The following SPAG9 variants were observed in gnomAD, a reference collection of about 807,000 sequenced individuals.
The protein encoded by SPAG9 is C-Jun-amino-terminal kinase-interacting protein 4.
SPAG9 carries 35 observed loss-of-function variants against 166.5 expected under a neutral mutation model. That is an observed-to-expected ratio of 0.21 (90% CI 0.16 to 0.28). The LOEUF (loss-of-function observed/expected upper bound fraction) is 0.28, where lower values mean the gene tolerates loss of function less well. Ranked by LOEUF, SPAG9 falls within the 10% of genes least tolerant of loss-of-function variation. SPAG9 has a pLI of 1.00. For synonymous variants in SPAG9, 534 were observed against 565.5 expected (o/e 0.94, Z 0.79); for missense variants, 1,235 against 1,603.3 (o/e 0.77, Z 3.92).
At chr17:50,979,557 C>T (rs1012819552) in intron 26 of SPAG9, among the ~76,000 whole-genome samples, 189 bp downstream of exon 26, 3 of 148,922 alleles carry the variant, frequency 2.0e-5, no homozygotes, top group Admixed American at 2.0e-4. Context: ...CCAGCTACTC[C>T]GGAGGCTGAG....
intron 1 of SPAG9, among the ~76,000 whole-genome samples, chr17:51,098,736 C>T (rs1351667659): frequency 1.3e-5 from 2 of 152,036 alleles, no homozygotes; most frequent in East Asian, 2.0e-4. Context: ...AGGTGATCCG[C>T]CCCCCTCGGC....
intron 25 of SPAG9, among the ~76,000 whole-genome samples, chr17:50,981,481 TAAAGATAG>T (rs780085212): frequency 1.1e-4 from 14 of 124,652 alleles, no homozygotes; most frequent in African/African-American, 3.9e-4. Context: ...GATACACAGA[TAAAGATAG>T]ATAGATAGAT....
chr17:51,049,845 G>A (rs1430610571), intron 3 of SPAG9, among the ~76,000 whole-genome samples: 3 of 152,228 alleles, frequency 2.0e-5, no homozygotes, highest in African/African-American at 2.4e-5. Context: ...TGATCCACCC[G>A]CCTTGGCCTC....
intron 1 of SPAG9, among the ~76,000 whole-genome samples, chr17:51,090,571 T>C (rs2048437917): frequency 6.6e-6 from 1 of 152,204 alleles, no homozygotes; most frequent in Non-Finnish European, 1.5e-5. Flanking sequence ...TTTTAAATAT[T>C]CCAAGGTACT....
At chr17:51,114,807 C>T (rs2049235113) in intron 1 of SPAG9, among the ~76,000 whole-genome samples, 1 of 152,006 alleles carries the variant, frequency 6.6e-6, no homozygotes, top group Non-Finnish European at 1.5e-5. Context: ...CAAAAATTAG[C>T]CGGGTGTAGT....
intron 12 of SPAG9, among the ~76,000 whole-genome samples, chr17:51,002,398 T>C (rs929501413): frequency 6.6e-6 from 1 of 152,162 alleles, no homozygotes; most frequent in Non-Finnish European, 1.5e-5. Context: ...ACACAGATAT[T>C]TGAACATATT....
At chr17:51,119,896 TC>T (rs2049421252) in intron 1 of SPAG9, among the ~76,000 whole-genome samples, 1 of 151,982 alleles carries the variant, frequency 6.6e-6, no homozygotes, top group Admixed American at 6.6e-5. Context: ...ATCTCTAACT[TC>T]CCAAAGCAAG....
chr17:50,979,601 C>A, intron 26 of SPAG9, 145 bp downstream of exon 26: 3 of 698,188 alleles, frequency 4.3e-6, no homozygotes, highest in Non-Finnish European at 4.7e-6. Flanking sequence ...GAGTTCAAGG[C>A]TATAGTGTGC....
At position 51,020,246 on chromosome 17, in the gene SPAG9, T is replaced by C. The variant is rs2045888020; in HGVS notation, c.1004A>G (p.Asn335Ser). The C allele has an allele frequency of 6.2e-7, 1 of 1,611,610 alleles. No individual in the cohort carries two copies. The highest frequency in any genetic ancestry group is 8.5e-7 in the Non-Finnish European group (1 of 1,177,822). The change falls in exon 8 of 30, where the codon AAT becomes AGT. Residue 335 changes from asparagine (N) to serine (S), a missense_variant. Asn to Ser is a conservative substitution (Grantham distance 46, BLOSUM62 1). Transcript: ENST00000262013. Reference sequence around the variant, plus strand: ...TGCTTGAACTTCTGACTTTTCTTCATTTTCAGCAGAGCCTTAAAAAAGGAC... The same window carrying C: ...TGCTTGAACTTCTGACTTTTCTTCACTTTCAGCAGAGCCTTAAAAAAGGAC... The part of the protein sequence containing the change: ...TRNVSTGSAE[N>S]EEKSEVQAII...
chr17:51,051,122 T>C (rs761269417), intron 3 of SPAG9, among the ~76,000 whole-genome samples: 2 of 152,130 alleles, frequency 1.3e-5, no homozygotes, highest in African/African-American at 2.4e-5. Flanking sequence ...TGTGTTTTTT[T>C]GTTTTGTGAC....
intron 1 of SPAG9, among the ~76,000 whole-genome samples, chr17:51,112,671 CAAAAAAAAAAAAAAAAAA>C (rs1206604151): frequency 2.4e-5 from 1 of 41,400 alleles, no homozygotes; most frequent in African/African-American, 6.1e-5. Context: ...TCTGTCTCAA[CAAAAAAAAAAAAAAAAAA>C]AAAAAAAAAA....
chr17:51,073,907 C>A (rs1379933296), intron 2 of SPAG9, among the ~76,000 whole-genome samples: 1 of 152,046 alleles, frequency 6.6e-6, no homozygotes, highest in African/African-American at 2.4e-5. Context: ...TCGAGACCAG[C>A]CTGGCCAATA....
In SPAG9 at chr17:50,970,774, A is replaced by G; in HGVS notation, c.3783T>C (p.Gly1261=). ...DKAGPSAQEP[G]SQTPLKSMLV... ...GCATAGACTTCAAGGGCGTCTGACT[A>G]CCAGGCTCCTGTGCAGATGGCCCTG... The change falls in exon 29 of 30, where the codon GGT becomes GGC. Residue 1261 remains glycine, a synonymous_variant. Transcript: ENST00000262013. 6.2e-7 allele frequency: 1 copy of G among 1,614,130 alleles called. No individual in the cohort carries two copies. The highest frequency in any genetic ancestry group is 8.5e-7 in the Non-Finnish European group (1 of 1,179,990).
At chr17:50,999,433 C>A (rs760344826) in intron 14 of SPAG9, 1 of 1,447,956 alleles carries the variant, frequency 6.9e-7, no homozygotes. Flanking sequence ...CAACATGATG[C>A]AGCTTACGAT....
rs1403920082 is a variant in SPAG9 at position 50,984,314 on chromosome 17, T to C, written c.3088+609A>G. On this transcript the variant is annotated intron_variant, in intron 24 of 29. Transcript: ENST00000262013. ...GTGGACACAAATTATTTTTAACACA[T>C]AGGACATTAAAAAAACACCAAGTTT... Among the ~76,000 whole-genome samples the C allele has an allele frequency of 2.6e-5, 4 of 152,154 alleles. No individual in the cohort carries two copies. The East Asian group carries it at 7.7e-4, about 29-fold the overall frequency.
At chr17:51,062,067 T>G (rs151232711) in intron 2 of SPAG9, among the ~76,000 whole-genome samples, 1 of 152,338 alleles carries the variant, frequency 6.6e-6, no homozygotes, top group East Asian at 1.9e-4. Flanking sequence ...ATTTAGCACA[T>G]GCAAACTACC....
chr17:51,081,158 C>G (rs1265396233), intron 1 of SPAG9, among the ~76,000 whole-genome samples: 2 of 152,142 alleles, frequency 1.3e-5, no homozygotes, highest in Admixed American at 1.3e-4. Flanking sequence ...ATTACTGCAA[C>G]AGTGAAAGTC....
At chr17:51,008,395 A>C (rs192605045) in intron 9 of SPAG9, among the ~76,000 whole-genome samples, 22 of 152,086 alleles carry the variant, frequency 1.4e-4, no homozygotes, top group African/African-American at 4.1e-4. Context: ...ACAAAACAAA[A>C]AAAACCCACC....
rs1379204425 is a variant in SPAG9, at chr17:51,005,268, T to C, written c.1425-5A>G. 6.2e-7 allele frequency: 1 copy of C among 1,613,438 alleles called. No homozygotes were observed. The highest frequency in any genetic ancestry group is 8.5e-7 in the Non-Finnish European group (1 of 1,179,682). On this transcript the variant is annotated splice_polypyrimidine_tract_variant and splice_region_variant and intron_variant, in intron 11 of 29. Transcript: ENST00000262013. ...TCTTCAGCTTCTGCCCGAGCTCTAGTGGGGAAAAAACAAAACAAAACATGT... is the reference window on the plus strand; with the variant it reads ...TCTTCAGCTTCTGCCCGAGCTCTAGCGGGGAAAAAACAAAACAAAACATGT...
Sources: allele counts gnomAD v4.1 joint callset (sites outside exome capture counted in the v4.1 genomes callset), GRCh38; gene constraint gnomAD v4.1.1; transcripts MANE v1.5; gene names NCBI Gene and HGNC (gene_info 2026-07-23, HGNC 2026-07-21).